Variants in TRHDE observed in about 807,000 individuals in gnomAD.
The protein encoded by TRHDE is thyrotropin releasing hormone degrading enzyme, also known as thyrotropin-releasing hormone-degrading ectoenzyme.
In TRHDE, 72 loss-of-function variants were observed where a neutral mutation model predicts 125.7. The observed-to-expected ratio is 0.57, with a 90% confidence interval of 0.47 to 0.70. TRHDE has a LOEUF of 0.70. TRHDE is among the 30% of genes least tolerant of loss of function. TRHDE has a pLI of 0.00. For missense variants in TRHDE, 1,110 were observed against 1,327.1 expected (o/e 0.84, Z 2.54); for synonymous variants, 509 against 509.1 (o/e 1.00, Z 0.00).
intron 2 of TRHDE, among the ~76,000 whole-genome samples, chr12:72,261,053 A>G (rs1878939299): frequency 6.6e-6 from 1 of 152,146 alleles, no homozygotes; most frequent in Non-Finnish European, 1.5e-5. Context: ...TTCACACAGT[A>G]TTTTATGTAT....
chr12:72,645,237 A>G lies in TRHDE; in HGVS notation c.2676-7085A>G, dbSNP rs545763602. 6.6e-4 allele frequency among the ~76,000 whole-genome samples: 100 copies of G among 152,292 alleles called. 1 individual carries two copies. The highest frequency in any genetic ancestry group is 2.3e-3 in the African/African-American group (97 of 41,576). ...CTGAAGTCAAGAGTACAGTGCATTA[A>G]AAAATGATAATTTAAACAAGGAGAT... On this transcript the variant is annotated intron_variant, in intron 15 of 18. Transcript: ENST00000261180.
chr12:72,549,536 G>A (rs936438820), intron 7 of TRHDE, among the ~76,000 whole-genome samples: 3 of 151,746 alleles, frequency 2.0e-5, no homozygotes, highest in African/African-American at 7.2e-5. Flanking sequence ...TGCAGTTTTA[G>A]ATATGCTATC....
At chr12:72,299,724 T>C (rs1880433985) in intron 2 of TRHDE, among the ~76,000 whole-genome samples, 1 of 152,188 alleles carries the variant, frequency 6.6e-6, no homozygotes, top group Non-Finnish European at 1.5e-5. Flanking sequence ...CAACTCAGTG[T>C]CCTCTTTGGG....
intron 15 of TRHDE, among the ~76,000 whole-genome samples, chr12:72,649,304 T>C (rs1874410079): frequency 6.6e-6 from 1 of 151,002 alleles, no homozygotes; most frequent in South Asian, 2.1e-4. Flanking sequence ...AAAAAGATAG[T>C]GTTTTCAACA....
chr12:72,318,580 C>T (rs944848302), intron 2 of TRHDE, among the ~76,000 whole-genome samples: 5 of 152,108 alleles, frequency 3.3e-5, no homozygotes, highest in African/African-American at 4.8e-5. Context: ...CACGGCCCAG[C>T]TGTGAGTGTG....
rs921818106 is a variant in TRHDE, at chr12:72,468,446, C to T, written c.1316-1312C>T. 1.1e-4 allele frequency among the ~76,000 whole-genome samples: 17 copies of T among 152,306 alleles called. 1 individual carries two copies. In the East Asian group the frequency reaches 1.9e-3, roughly 17 times the overall value. On this transcript the variant is annotated intron_variant, in intron 3 of 18. Coordinates refer to ENST00000261180, the MANE Select transcript of TRHDE (RefSeq NM_013381.3). ...TTCACCTGTACAAACAATACCATAG[C>T]GAACATTCTTGTACAATTTTCTGTT...
At chr12:72,539,022 G>A (rs1027592178) in intron 6 of TRHDE, among the ~76,000 whole-genome samples, 2 of 151,588 alleles carry the variant, frequency 1.3e-5, no homozygotes, top group African/African-American at 2.4e-5. Context: ...CCACTTTCAC[G>A]CCTATTTGAC....
At chr12:72,112,793 T>TG (rs1875350972) in intron 2 of TRHDE, among the ~76,000 whole-genome samples, 1 of 152,182 alleles carries the variant, frequency 6.6e-6, no homozygotes, top group African/African-American at 2.4e-5. Flanking sequence ...CTGCATTCTG[T>TG]GAAAAACTGC....
intron 2 of TRHDE, among the ~76,000 whole-genome samples, chr12:72,223,055 A>G (rs1005407092): frequency 4.6e-5 from 7 of 152,100 alleles, no homozygotes; most frequent in African/African-American, 1.7e-4. Context: ...AAGTGTTGCT[A>G]TACTGCCCAA....
chr12:72,328,251 C>G (rs765053691), intron 2 of TRHDE, among the ~76,000 whole-genome samples: 9 of 152,164 alleles, frequency 5.9e-5, no homozygotes, highest in Non-Finnish European at 1.0e-4. Context: ...ATAGGGTGGG[C>G]TAGGCATTCA....
chr12:72,587,616 T>A (rs894763063), intron 12 of TRHDE, among the ~76,000 whole-genome samples: 1 of 151,916 alleles, frequency 6.6e-6, no homozygotes, highest in Admixed American at 6.6e-5. Flanking sequence ...ATTAAAAAAA[T>A]TATACAGAAT....
chr12:72,470,409 A>G (rs971303267), intron 4 of TRHDE, among the ~76,000 whole-genome samples: 1 of 152,226 alleles, frequency 6.6e-6, no homozygotes, highest in Non-Finnish European at 1.5e-5. Flanking sequence ...TTGTTCTCAA[A>G]TGATTGATAT....
At chr12:72,150,733 A>C (rs571655942) in intron 2 of TRHDE, among the ~76,000 whole-genome samples, 15 of 151,818 alleles carry the variant, frequency 9.9e-5, no homozygotes, top group South Asian at 4.2e-4. Context: ...TGAACTCATC[A>C]TTTTTTATGG....
intron 6 of TRHDE, among the ~76,000 whole-genome samples, chr12:72,506,747 T>G (rs895488640): frequency 6.6e-6 from 1 of 152,204 alleles, no homozygotes; most frequent in Admixed American, 6.5e-5. Flanking sequence ...CAGGCTACCC[T>G]TGATCCTGCC....
At chr12:72,591,072 G>A (rs762405793) in intron 12 of TRHDE, among the ~76,000 whole-genome samples, 7 of 152,214 alleles carry the variant, frequency 4.6e-5, no homozygotes, top group Non-Finnish European at 8.8e-5. Flanking sequence ...CATGTCTTAC[G>A]TGGTAATAGG....
chr12:72,302,653 G>A (rs1868279193), intron 2 of TRHDE, among the ~76,000 whole-genome samples: 1 of 152,114 alleles, frequency 6.6e-6, no homozygotes, highest in African/African-American at 2.4e-5. Context: ...GCTCTTCATT[G>A]TTTGGCAGAG....
At chr12:72,646,959 A>C (rs1420632400) in intron 15 of TRHDE, among the ~76,000 whole-genome samples, 2 of 151,982 alleles carry the variant, frequency 1.3e-5, no homozygotes, top group African/African-American at 2.4e-5. Flanking sequence ...TTACAACACT[A>C]TAAACCAAAT....
chr12:72,362,969 C>T (rs1465107885), intron 2 of TRHDE, among the ~76,000 whole-genome samples: 1 of 151,992 alleles, frequency 6.6e-6, no homozygotes, highest in East Asian at 1.9e-4. Flanking sequence ...TTACTGTAGA[C>T]TTGTAGTATA....
At chr12:72,585,782 T>A (rs1357735475) in intron 12 of TRHDE, among the ~76,000 whole-genome samples, 6 of 152,232 alleles carry the variant, frequency 3.9e-5, no homozygotes, top group African/African-American at 1.2e-4. Flanking sequence ...GTCCTGTCAA[T>A]GTAAAAGCCT....
Sources: gnomAD v4.1 joint callset for allele counts (sites outside exome capture counted in the v4.1 genomes callset) on GRCh38, gnomAD v4.1.1 for gene constraint, MANE v1.5 for transcripts, NCBI Gene and HGNC (gene_info 2026-07-23, HGNC 2026-07-21) for gene names.